The following FMN1 variants were observed in gnomAD, a reference collection of about 807,000 sequenced individuals.
The protein encoded by FMN1 is formin-1.
Under a neutral mutation model 132.4 loss-of-function variants are expected in FMN1, and 110 were observed. The observed-to-expected ratio is 0.83, with a 90% CI of 0.71 to 0.97. The LOEUF (loss-of-function observed/expected upper bound fraction) is 0.97. Among genes scored for constraint, FMN1 ranks in the 50% least tolerant of loss-of-function variants. The pLI is 0.00. For missense variants in FMN1, 1,792 were observed against 1,705.3 expected (o/e 1.05, Z -0.90); for synonymous variants, 722 against 651.7 (o/e 1.11, Z -1.64).
intron 17 of FMN1, among the ~76,000 whole-genome samples, chr15:32,807,469 C>T (rs902417179): frequency 2.6e-5 from 4 of 152,156 alleles, no homozygotes; most frequent in African/African-American, 9.7e-5. Context: ...CTGTTCTTCT[C>T]CAGTGATTTT....
At chr15:33,089,520 T>G (rs1309493041) in intron 4 of FMN1, among the ~76,000 whole-genome samples, 3 of 152,242 alleles carry the variant, frequency 2.0e-5, no homozygotes, top group African/African-American at 7.2e-5. Flanking sequence ...TCAAAGGTAT[T>G]AGTCTAGCTT....
chr15:33,170,106 A>G (rs1965262003), intron 3 of FMN1, among the ~76,000 whole-genome samples: 1 of 152,166 alleles, frequency 6.6e-6, no homozygotes, highest in Admixed American at 6.5e-5. Context: ...ACCCAGAAAT[A>G]AATTCATATA....
chr15:32,870,098 G>T (rs371769348), intron 16 of FMN1, among the ~76,000 whole-genome samples: 1 of 152,098 alleles, frequency 6.6e-6, no homozygotes, highest in Non-Finnish European at 1.5e-5. Flanking sequence ...TTGTTTTCTT[G>T]GTGACTTTAA....
At position 33,082,446 on chromosome 15, in the gene FMN1, T is replaced by C. The variant is rs372254342; in HGVS notation, c.2043+6353A>G. Among the ~76,000 whole-genome samples the C allele has an allele frequency of 5.3e-5, 8 of 152,186 alleles. No individual in the cohort carries two copies. The East Asian group carries it at 1.3e-3, about 26-fold the overall frequency. On this transcript the variant is annotated intron_variant, in intron 5 of 20. Transcript: ENST00000616417. ...TGCTTTTCATATCTTTGTTTTCAAT[T>C]TCAGGCCATACCTCTTTTTAGGGTC... is the stretch of plus-strand genomic sequence containing the variant.
chr15:32,998,714 A>T (rs564695879), intron 7 of FMN1, among the ~76,000 whole-genome samples: 1 of 152,352 alleles, frequency 6.6e-6, no homozygotes, highest in African/African-American at 2.4e-5. Flanking sequence ...TGCAATAAAA[A>T]GAAAACTGTC....
At position 32,765,808 on chromosome 15, in the gene FMN1, T is replaced by C. The variant is rs2056027709; in HGVS notation, c.*8502A>G. ...TGTCAAGGAGGAAAAAATATATATATATAATACACACATTTTTATTATGTA... is the reference window on the plus strand; with the variant it reads ...TGTCAAGGAGGAAAAAATATATATACATAATACACACATTTTTATTATGTA... On this transcript the variant is annotated 3_prime_UTR_variant, in exon 21 of 21. Transcript: ENST00000616417. The C allele has an allele frequency of 6.6e-6, 1 of 152,132 alleles. No homozygotes were observed. Among genetic ancestry groups the C allele is most frequent in the East Asian group, 1.9e-4 (1 of 5,198 alleles). The allele number at this position is 152,132 out of a possible 1,614,324, so 9.4% of individuals were successfully genotyped here.
chr15:33,150,962 G>C (rs1344575406), intron 4 of FMN1: 3 of 1,062,862 alleles, frequency 2.8e-6, no homozygotes, highest in Non-Finnish European at 3.4e-6. Context: ...CTGGGTTTAG[G>C]TGGGAAGAGA....
intron 9 of FMN1, among the ~76,000 whole-genome samples, chr15:32,940,117 A>C (rs2061367577): frequency 6.6e-6 from 1 of 152,128 alleles, no homozygotes; most frequent in Non-Finnish European, 1.5e-5. Flanking sequence ...AAAAACTGAG[A>C]ACTATAGCCA....
In FMN1 at chr15:33,115,044, C is replaced by G. The variant is rs544170250; in HGVS notation, c.1868-26070G>C. Among the ~76,000 whole-genome samples the G allele has an allele frequency of 5.3e-5, 8 of 152,288 alleles. No homozygotes were observed. The South Asian group carries it at 1.7e-3, about 32-fold the overall frequency. On this transcript the variant is annotated intron_variant, in intron 4 of 20. Coordinates refer to ENST00000616417, the MANE Select transcript of FMN1 (RefSeq NM_001277313.2). ...TTTTATAGAGTCCTCAAGACTTCAT[C>G]TATCAATCAGTCAAAATGCTGATTA...
rs563198639 is a variant in FMN1 at position 33,098,649 on chromosome 15, A to G, written c.1868-9675T>C. 6.7e-4 allele frequency among the ~76,000 whole-genome samples: 102 copies of G among 152,332 alleles called. 1 individual carries two copies. Among genetic ancestry groups the G allele is most frequent in the Middle Eastern group, 6.8e-3 (2 of 294 alleles). On this transcript the variant is annotated intron_variant, in intron 4 of 20. Transcript: ENST00000616417. Reference sequence around the variant, plus strand: ...TCACGCAGGTAGACAACCAATGATTATGAGACAGCGGAGGAGAATTTCTAA... The same window carrying G: ...TCACGCAGGTAGACAACCAATGATTGTGAGACAGCGGAGGAGAATTTCTAA...
At chr15:33,169,562 T>G (rs77468383) in intron 3 of FMN1, among the ~76,000 whole-genome samples, 5,069 of 152,154 alleles carry the variant, frequency 0.033, 139 homozygotes, top group East Asian at 0.1. Flanking sequence ...TTTCTGGGAA[T>G]TAAAGAACTC....
At chr15:32,942,265 C>T (rs1180631418) in intron 9 of FMN1, among the ~76,000 whole-genome samples, 1 of 152,130 alleles carries the variant, frequency 6.6e-6, no homozygotes, top group Non-Finnish European at 1.5e-5. Flanking sequence ...TTTTTTAAAG[C>T]CTGCCTCTGT....
chr15:32,939,500 G>A (rs1380195201), intron 9 of FMN1, among the ~76,000 whole-genome samples: 2 of 152,042 alleles, frequency 1.3e-5, no homozygotes, highest in Non-Finnish European at 2.9e-5. Context: ...CTTTCTGAAT[G>A]CTTTTTTAGA....
intron 4 of FMN1, among the ~76,000 whole-genome samples, chr15:33,101,968 CA>C (rs2039310397): frequency 6.6e-6 from 1 of 152,068 alleles, no homozygotes; most frequent in Non-Finnish European, 1.5e-5. Context: ...GACTGTATAC[CA>C]GTATCTGAAA....
At chr15:32,952,061 T>C (rs1232846932) in intron 9 of FMN1, among the ~76,000 whole-genome samples, 1 of 152,236 alleles carries the variant, frequency 6.6e-6, no homozygotes, top group Non-Finnish European at 1.5e-5. Flanking sequence ...CTGTGAGTTC[T>C]ACCTCCTTTT....
Position 32,969,041 on chromosome 15 carries a change from G to A in FMN1, c.2660C>T (p.Ser887Phe). 6.8e-7 allele frequency: 1 copy of A among 1,473,480 alleles called. No homozygotes were observed. 91.3% of individuals were successfully genotyped at this position (1,473,480 alleles called of 1,614,324 possible). ...TGGCATTGGAGGTGCGGGAGACAAAGATCCAAGTCCTGAGGGGAGGGGCGG... is the reference window on the plus strand; with the variant it reads ...TGGCATTGGAGGTGCGGGAGACAAAAATCCAAGTCCTGAGGGGAGGGGCGG... ...PPPPLPSGLG[S>F]LSPAPPMPPV... Residue 887 changes from serine to phenylalanine, a missense_variant, in exon 8 of 21, where the codon TCT (serine) becomes TTT (phenylalanine). Ser to Phe is a radical substitution (Grantham distance 155). Around this residue, in one of 3 missense-constraint regions of FMN1, gnomAD observed 1,150 missense variants for 1,043.1 expected, o/e 1.10. Coordinates refer to ENST00000616417, the MANE Select transcript of FMN1 (RefSeq NM_001277313.2).
intron 10 of FMN1, among the ~76,000 whole-genome samples, chr15:32,913,806 G>C (rs1023878119): frequency 6.6e-5 from 10 of 152,164 alleles, no homozygotes; most frequent in African/African-American, 2.4e-4. Flanking sequence ...CATGGTACCA[G>C]GGGTGTAGCA....
At chr15:32,941,504 AACAAT>A (rs2061400329) in intron 9 of FMN1, among the ~76,000 whole-genome samples, 2 of 152,198 alleles carry the variant, frequency 1.3e-5, no homozygotes, top group Non-Finnish European at 1.5e-5. Context: ...TTTTCTCTCA[AACAAT>A]ACAACAGAGC....
Position 32,804,275 on chromosome 15 carries a change from G to A in FMN1, c.3980+6C>T. ...AAAGAACTGGGGCCAAATCAGAGCT[G>A]CTTACCTTTTCTGTGCATTCTCCAA... On this transcript the variant is annotated splice_donor_region_variant and intron_variant, in intron 18 of 20. Transcript: ENST00000616417. 1 of 1,562,598 alleles carries A rather than the reference G, an allele frequency of 6.4e-7. No individual in the cohort carries two copies. Among genetic ancestry groups the A allele is most frequent in the African/African-American group, 1.4e-5 (1 of 73,816 alleles).
Sources: allele counts gnomAD v4.1 joint callset (sites outside exome capture counted in the v4.1 genomes callset), GRCh38; gene constraint gnomAD v4.1.1; regional missense constraint gnomAD v4.1.1; transcripts MANE v1.5; gene names NCBI Gene and HGNC (gene_info 2026-07-23, HGNC 2026-07-21).